Variants in MBNL1 observed in about 807,000 individuals in gnomAD.
MBNL1 encodes muscleblind-like protein 1.
Under a neutral mutation model 42.2 loss-of-function variants are expected in MBNL1, and 8 were observed. The observed-to-expected ratio is 0.19, with a 90% CI of 0.11 to 0.34. The LOEUF is 0.34. Among genes scored for constraint, MBNL1 ranks in the 10% least tolerant of loss-of-function variants. The pLI is 1.00. For synonymous variants in MBNL1, 169 were observed against 173.9 expected, an observed-to-expected ratio of 0.97 and a Z score of 0.22; for missense variants, 309 against 495.3, an observed-to-expected ratio of 0.62 and a Z score of 3.57.
intron 1 of MBNL1, among the ~76,000 whole-genome samples, chr3:152,274,871 A>G (rs145195698): frequency 2.6e-5 from 4 of 152,312 alleles, no homozygotes; most frequent in African/African-American, 9.6e-5. Flanking sequence ...ACAGTTTACT[A>G]GTCAATCCAT....
intron 5 of MBNL1, among the ~76,000 whole-genome samples, chr3:152,447,270 C>T (rs1469152592): frequency 6.6e-6 from 1 of 152,094 alleles, no homozygotes; most frequent in Non-Finnish European, 1.5e-5. Flanking sequence ...ACTTGTCAAT[C>T]CTCATGGAGC....
At chr3:152,350,604 T>C (rs1382152204) in intron 2 of MBNL1, among the ~76,000 whole-genome samples, 2 of 151,926 alleles carry the variant, frequency 1.3e-5, no homozygotes, top group Non-Finnish European at 2.9e-5. Context: ...ATCGCTAAAA[T>C]AGGGAAATAT....
chr3:152,432,848 G>A lies in MBNL1; in HGVS notation c.477G>A (p.Gly159=). The change falls in exon 4 of 10, where the codon GGG becomes GGA. Residue 159 remains glycine, a synonymous_variant. Transcript: ENST00000324210. ...CGACTGCACCAATGTTGGTTACAGG[G>A]AATCCGGGTGTCCCTGTACCTGCAG... is the stretch of plus-strand genomic sequence containing the variant. The part of the protein sequence containing the change: ...ILPTAPMLVT[G]NPGVPVPAAA... The A allele has an allele frequency of 6.2e-7, 1 of 1,614,162 alleles. No homozygotes were observed. The highest frequency in any genetic ancestry group is 8.5e-7 in the Non-Finnish European group (1 of 1,180,018).
intron 2 of MBNL1, 33 bp from the exon 3 acceptor site, chr3:152,414,908 C>G (rs2098670860): frequency 6.2e-7 from 1 of 1,601,400 alleles, no homozygotes; most frequent in Non-Finnish European, 8.5e-7. Flanking sequence ...TTATTCTTTT[C>G]TAAGATGATG....
intron 2 of MBNL1, among the ~76,000 whole-genome samples, chr3:152,352,860 A>C (rs891164410): frequency 3.3e-5 from 5 of 152,246 alleles, no homozygotes; most frequent in African/African-American, 1.2e-4. Flanking sequence ...GAATGACTGC[A>C]TGCAAGAATA....
chr3:152,299,701 C>T lies in MBNL1; in HGVS notation c.-493C>T. On this transcript the variant is annotated 5_prime_UTR_variant, in exon 2 of 10. Transcript: ENST00000324210. ...ATTTTCTCGATTTTGCTCTAAACTG[C>T]TGCATCTGTCTATGCCAAACTAATC... is the stretch of plus-strand genomic sequence containing the variant. The T allele has an allele frequency of 2.5e-6, 1 of 398,674 alleles. No homozygotes were observed. Among genetic ancestry groups the T allele is most frequent in the Admixed American group, 4.4e-5 (1 of 22,742 alleles). The allele number at this position is 398,674 out of a possible 1,614,324, so 24.7% of individuals were successfully genotyped here. A position where few individuals can be genotyped will look rare whatever the true frequency, so the allele number is the denominator to read the frequency against.
chr3:152,455,455 T>C, intron 6 of MBNL1, 87 bp from the exon 7 acceptor site: 1 of 1,085,378 alleles, frequency 9.2e-7, no homozygotes, highest in Admixed American at 1.8e-5. Flanking sequence ...TTTGTTCAAA[T>C]GAATTTTCTA....
intron 2 of MBNL1, among the ~76,000 whole-genome samples, chr3:152,315,845 AACACAC>A (rs147766235): frequency 5.6e-5 from 8 of 142,864 alleles, no homozygotes; most frequent in African/African-American, 2.2e-4. Flanking sequence ...AAAGCGTGTG[AACACAC>A]ACACACACAC....
chr3:152,436,682 A>G (rs528575772), intron 4 of MBNL1, among the ~76,000 whole-genome samples: 2 of 152,368 alleles, frequency 1.3e-5, no homozygotes, highest in South Asian at 4.1e-4. Flanking sequence ...CAATCCTGCC[A>G]CATTCACAGT....
intron 2 of MBNL1, chr3:152,338,412 C>T: frequency 1.0e-6 from 1 of 985,408 alleles, no homozygotes; most frequent in Non-Finnish European, 1.2e-6. Context: ...CCTCCCCCTG[C>T]TGCTACAGTT....
intron 6 of MBNL1, among the ~76,000 whole-genome samples, chr3:152,448,058 C>T (rs1238293986): frequency 2.0e-5 from 3 of 152,148 alleles, no homozygotes; most frequent in Non-Finnish European, 4.4e-5. Flanking sequence ...CTTTCCTCAA[C>T]ACTTATATAT....
chr3:152,295,458 G>A (rs563654694), intron 1 of MBNL1, among the ~76,000 whole-genome samples: 2 of 152,280 alleles, frequency 1.3e-5, no homozygotes, highest in African/African-American at 2.4e-5. Context: ...TATTTCATCA[G>A]TGTTGGGACC....
chr3:152,259,410 C>T (rs754523814), intron 2 of MBNL1, among the ~76,000 whole-genome samples: 5 of 152,140 alleles, frequency 3.3e-5, no homozygotes, highest in Non-Finnish European at 5.9e-5. Context: ...AGAAAAAAAT[C>T]ATTTTACATC....
intron 2 of MBNL1, among the ~76,000 whole-genome samples, chr3:152,363,865 G>GA (rs1324881714): frequency 4.0e-5 from 6 of 151,838 alleles, no homozygotes; most frequent in Admixed American, 6.6e-5. Flanking sequence ...TTTTTTTAAT[G>GA]AAAAAATATC....
At chr3:152,438,719 A>G (rs1027155845) in intron 4 of MBNL1, among the ~76,000 whole-genome samples, 2 of 152,250 alleles carry the variant, frequency 1.3e-5, no homozygotes, top group African/African-American at 2.4e-5. Flanking sequence ...CACATGCACT[A>G]AAAGATACTA....
At chr3:152,344,267 A>G (rs1391888351) in intron 2 of MBNL1, among the ~76,000 whole-genome samples, 2 of 152,126 alleles carry the variant, frequency 1.3e-5, no homozygotes, top group Non-Finnish European at 2.9e-5. Context: ...CAAAGCACAA[A>G]CTCATACTTT....
intron 2 of MBNL1, among the ~76,000 whole-genome samples, chr3:152,382,401 C>T (rs905309012): frequency 1.3e-5 from 2 of 151,886 alleles, no homozygotes; most frequent in East Asian, 3.9e-4. Context: ...TTTAAAGGGA[C>T]AAAAGCTGGA....
At chr3:152,419,760 A>G (rs1179039906) in intron 3 of MBNL1, among the ~76,000 whole-genome samples, 1 of 152,066 alleles carries the variant, frequency 6.6e-6, no homozygotes, top group Non-Finnish European at 1.5e-5. Context: ...CCAGCGAGAC[A>G]GAACCGTTCA....
At chr3:152,439,114 C>A (rs2099115130) in intron 4 of MBNL1, among the ~76,000 whole-genome samples, 1 of 152,144 alleles carries the variant, frequency 6.6e-6, no homozygotes, top group African/African-American at 2.4e-5. Context: ...ATAAATTATT[C>A]TTGGCTGAAA....
Sources: allele counts gnomAD v4.1 joint callset (sites outside exome capture counted in the v4.1 genomes callset), GRCh38; gene constraint gnomAD v4.1.1; transcripts MANE v1.5; gene names NCBI Gene and HGNC (gene_info 2026-07-23, HGNC 2026-07-21).